GTF2F1: variants seen among roughly 807,000 people sequenced by gnomAD.
The protein encoded by GTF2F1 is general transcription factor IIF subunit 1.
Under a neutral mutation model 63.5 loss-of-function variants are expected in GTF2F1, and 39 were observed. The ratio of observed to expected loss-of-function variants is 0.61; its 90% CI spans 0.48 to 0.80. GTF2F1 has a LOEUF of 0.80. Ranked by LOEUF, GTF2F1 falls within the 30% of genes least tolerant of loss-of-function variation. The probability of loss-of-function intolerance (pLI) is 0.00; values close to 1 mark genes in which losing one functional copy is unlikely to be tolerated. For synonymous variants in GTF2F1, 287 were observed against 285.3 expected (o/e 1.01, Z -0.06); for missense variants, 657 against 718.3 (o/e 0.91, Z 0.97).
chr19:6,390,706 T>G (rs2091993522), intron 3 of GTF2F1, among the ~76,000 whole-genome samples: 1 of 149,860 alleles, frequency 6.7e-6, no homozygotes, highest in African/African-American at 2.5e-5. Flanking sequence ...ATGGCGAAAC[T>G]TCGTCTCTAC....
intron 5 of GTF2F1, among the ~76,000 whole-genome samples, chr19:6,384,859 C>G (rs1023683727): frequency 6.6e-6 from 1 of 151,506 alleles, no homozygotes; most frequent in Non-Finnish European, 1.5e-5. Flanking sequence ...TCTCGGCTCA[C>G]CACAACCTCC....
chr19:6,386,546 G>A (rs540797450), intron 5 of GTF2F1, among the ~76,000 whole-genome samples: 4 of 152,110 alleles, frequency 2.6e-5, no homozygotes, highest in Non-Finnish European at 4.4e-5. Flanking sequence ...CCCAGTTCAC[G>A]CCATTCTCCT....
chr19:6,391,134 T>A (rs1310984318), intron 3 of GTF2F1, among the ~76,000 whole-genome samples: 2 of 152,152 alleles, frequency 1.3e-5, no homozygotes, highest in African/African-American at 4.8e-5. Flanking sequence ...TCTACCTTGG[T>A]CTCCGTTTAT....
In GTF2F1 at chr19:6,379,741, C is replaced by CTTT. The variant is rs11359697; in HGVS notation, c.*537_*539dup. Reference sequence around the variant, plus strand: ...AGGCTCCCGCCACCATGCCTGGCTACTTTTTTTTTTTTTTTGTGCCAGGAT... The same window carrying CTTT: ...AGGCTCCCGCCACCATGCCTGGCTACTTTTTTTTTTTTTTTTTTGTGCCAGGAT... On this transcript the variant is annotated 3_prime_UTR_variant, in exon 13 of 13. Transcript: ENST00000394456. 1 of 141,880 alleles carries CTTT rather than the reference C, an allele frequency of 7.0e-6. No homozygotes were observed. The highest frequency in any genetic ancestry group is 6.9e-5 in the Admixed American group (1 of 14,594). 8.8% of individuals were successfully genotyped at this position (141,880 alleles called of 1,614,324 possible).
rs1244798128 is a variant in GTF2F1 at position 6,381,489 on chromosome 19, C to T, written c.899-11G>A. ...TCTGCTCATCGACACCTGGGAGGGG[C>T]AGGGTATGAGCAAGAGCAGGGAAGC... On this transcript the variant is annotated splice_polypyrimidine_tract_variant and intron_variant, in intron 8 of 12. Coordinates refer to ENST00000394456, the MANE Select transcript of GTF2F1 (RefSeq NM_002096.3). The surrounding 1 kb of genome is among the most constrained non-coding windows in gnomAD (Gnocchi z 4.1). 6.2e-7 allele frequency: 1 copy of T among 1,607,786 alleles called. No individual in the cohort carries two copies. Among genetic ancestry groups the T allele is most frequent in the South Asian group, 1.1e-5 (1 of 90,950 alleles).
Position 6,381,751 on chromosome 19 carries a change from C to T in GTF2F1, c.782G>A (p.Ser261Asn), listed in dbSNP as rs2091952959. Residue 261 changes from serine (S) to asparagine (N), a missense_variant, in exon 7 of 13, where the codon AGC (serine) becomes AAC (asparagine). By Grantham distance (46) the Ser-to-Asn change is conservative. Coordinates refer to ENST00000394456, the MANE Select transcript of GTF2F1 (RefSeq NM_002096.3). The surrounding 1 kb of genome is among the most constrained non-coding windows in gnomAD (Gnocchi z 4.1). The stretch of plus-strand genomic sequence containing the variant: ...TTGGCCCTCGAAGTCCCCATCATCG[C>T]TGTCCTCGAAGGCCTCGTCGTCTGA... ...KGSDDEAFED[S>N]DDGDFEGQEV... 7.4e-6 allele frequency: 12 copies of T among 1,614,202 alleles called. No homozygotes were observed. The highest frequency in any genetic ancestry group is 9.3e-6 in the Non-Finnish European group (11 of 1,180,032).
intron 2 of GTF2F1, among the ~76,000 whole-genome samples, 156 bp downstream of exon 2, chr19:6,392,701 A>T (rs1002054491): frequency 3.3e-5 from 5 of 152,232 alleles, no homozygotes; most frequent in African/African-American, 1.2e-4. Flanking sequence ...TGTTGTCCCC[A>T]GAGAAGCCTC....
rs145753620 is a variant in GTF2F1, at chr19:6,389,500, C to T, written c.270G>A (p.Glu90=). 16 of 1,614,108 alleles carry T rather than the reference C, an allele frequency of 9.9e-6. No homozygotes were observed. The highest frequency in any genetic ancestry group is 1.4e-5 in the Non-Finnish European group (16 of 1,180,034). ...RRKKYGIVLK[E]FRPEDQPWLL... is the part of the protein sequence containing the mutation. ...GCCAGGGCTGGTCCTCGGGCCGGAA[C>T]TCCTTGAGGACGATGCCGTACTTCT... Residue 90 remains glutamate (E), a synonymous_variant, in exon 4 of 13, where the codon GAG becomes GAA. Coordinates refer to ENST00000394456, the MANE Select transcript of GTF2F1 (RefSeq NM_002096.3).
chr19:6,392,773 G>C, intron 2 of GTF2F1, 84 bp downstream of exon 2: 1 of 1,361,802 alleles, frequency 7.3e-7, no homozygotes, highest in Non-Finnish European at 1.1e-6. Context: ...CACAGACAGG[G>C]CCAGAAATGG....
chr19:6,381,208 G>T lies in GTF2F1; in HGVS notation c.1019-13C>A. 1 of 1,603,344 alleles carries T rather than the reference G, an allele frequency of 6.2e-7. No individual in the cohort carries two copies. Among genetic ancestry groups the T allele is most frequent in the Non-Finnish European group, 8.5e-7 (1 of 1,175,634 alleles). ...TCCTCGCTGCTGTCTGCGGGGCACA[G>T]GAAAGGGGTCAGGGCCAGAGCAACC... On this transcript the variant is annotated splice_polypyrimidine_tract_variant and intron_variant, in intron 9 of 12. Coordinates refer to ENST00000394456, the MANE Select transcript of GTF2F1 (RefSeq NM_002096.3). This position sits in a 1 kb window ranked among gnomAD's most constrained non-coding sequence, Gnocchi z 4.1.
Position 6,379,963 on chromosome 19 carries a change from G to C in GTF2F1, c.*318C>G, listed in dbSNP as rs1317374222. The C allele has an allele frequency of 4.7e-6, 2 of 422,478 alleles. No individual in the cohort carries two copies. Among genetic ancestry groups the C allele is most frequent in the Non-Finnish European group, 8.8e-6 (2 of 226,726 alleles). 26.2% of individuals were successfully genotyped at this position (422,478 alleles called of 1,614,324 possible). On this transcript the variant is annotated 3_prime_UTR_variant, in exon 13 of 13. Coordinates refer to ENST00000394456, the MANE Select transcript of GTF2F1 (RefSeq NM_002096.3). ...TAGGGAAGTGGAAGGGAGAACTGTA[G>C]AAGTTACCCAGTGGGCAGCACAGGC... is the stretch of plus-strand genomic sequence containing the variant.
At chr19:6,384,216 C>T (rs184327071) in intron 5 of GTF2F1, among the ~76,000 whole-genome samples, 118 of 151,962 alleles carry the variant, frequency 7.8e-4, no homozygotes, top group East Asian at 5.8e-4. Context: ...AAAAACAGGA[C>T]TGCAGGCCAG....
intron 5 of GTF2F1, 74 bp downstream of exon 5, chr19:6,387,315 G>T: frequency 7.0e-7 from 1 of 1,419,092 alleles, no homozygotes; most frequent in Non-Finnish European, 9.8e-7. Flanking sequence ...CCAGCACAGG[G>T]CCTGGTGATA....
Position 6,383,339 on chromosome 19 carries a change from G to A in GTF2F1, c.654C>T (p.Ser218=), listed in dbSNP as rs138316021. Reference sequence around the variant, plus strand: ...CCTCACCACTGGCATCACTGGCATCGGACGACATCTCCAGGTCGTCCTCCA... The same window carrying A: ...CCTCACCACTGGCATCACTGGCATCAGACGACATCTCCAGGTCGTCCTCCA... ...HDLEDDLEMS[S]DASDASGEEG... is the part of the protein sequence containing the mutation. Residue 218 remains serine (S), a synonymous_variant, in exon 6 of 13, where the codon TCC becomes TCT. Coordinates refer to ENST00000394456, the MANE Select transcript of GTF2F1 (RefSeq NM_002096.3). The surrounding 1 kb of genome is among the most constrained non-coding windows in gnomAD (Gnocchi z 4.5). 35 of 1,613,910 alleles carry A rather than the reference G, an allele frequency of 2.2e-5. No individual in the cohort carries two copies. Among genetic ancestry groups the A allele is most frequent in the South Asian group, 7.7e-5 (7 of 91,090 alleles).
chr19:6,380,514 A>T lies in GTF2F1; in HGVS notation c.1350-29T>A. The T allele has an allele frequency of 6.2e-7, 1 of 1,612,752 alleles. No homozygotes were observed. Among genetic ancestry groups the T allele is most frequent in the Non-Finnish European group, 8.5e-7 (1 of 1,178,778 alleles). On this transcript the variant is annotated intron_variant, in intron 12 of 12. Coordinates refer to ENST00000394456, the MANE Select transcript of GTF2F1 (RefSeq NM_002096.3). The surrounding 1 kb of genome is among the most constrained non-coding windows in gnomAD (Gnocchi z 5.3). Reference sequence around the variant, plus strand: ...AGGATGGGAGGACGGGGAAGGTGGCATCAGTGAGATTGTCCCCAGTAGCCC... The same window carrying T: ...AGGATGGGAGGACGGGGAAGGTGGCTTCAGTGAGATTGTCCCCAGTAGCCC...
chr19:6,391,993 G>C lies in GTF2F1; in HGVS notation c.60-19C>G. On this transcript the variant is annotated intron_variant, in intron 2 of 12. Transcript: ENST00000394456. ...TGTATTCCTGGAGTGGATGAGAAGAGGTAGTGTCAATCCAATACAGCAATT... is the reference window on the plus strand; with the variant it reads ...TGTATTCCTGGAGTGGATGAGAAGACGTAGTGTCAATCCAATACAGCAATT... The C allele has an allele frequency of 7.3e-7, 1 of 1,361,038 alleles. No homozygotes were observed. The allele number at this position is 1,361,038 out of a possible 1,614,324, so 84.3% of individuals were successfully genotyped here. A position where few individuals can be genotyped will look rare whatever the true frequency, so the allele number is the denominator to read the frequency against.
rs754161468 is a variant in GTF2F1 at position 6,383,300 on chromosome 19, C to A, written c.682+11G>T. On this transcript the variant is annotated intron_variant, in intron 6 of 12. Transcript: ENST00000394456. This position sits in a 1 kb window ranked among gnomAD's most constrained non-coding sequence, Gnocchi z 4.5. ...ACCTCTGTGACCTAATGCCCAGGCGCCCGTACTCACCCTCCTCACCACTGG... is the reference window on the plus strand; with the variant it reads ...ACCTCTGTGACCTAATGCCCAGGCGACCGTACTCACCCTCCTCACCACTGG... 1 of 1,613,128 alleles carries A rather than the reference C, an allele frequency of 6.2e-7. No homozygotes were observed. The highest frequency in any genetic ancestry group is 8.5e-7 in the Non-Finnish European group (1 of 1,179,660).
Position 6,389,654 on chromosome 19 carries a change from C to T in GTF2F1, c.133-17G>A. 6.2e-7 allele frequency: 1 copy of T among 1,609,636 alleles called. No homozygotes were observed. Among genetic ancestry groups the T allele is most frequent in the Non-Finnish European group, 8.5e-7 (1 of 1,178,206 alleles). On this transcript the variant is annotated splice_polypyrimidine_tract_variant and intron_variant, in intron 3 of 12. Coordinates refer to ENST00000394456, the MANE Select transcript of GTF2F1 (RefSeq NM_002096.3). Reference sequence around the variant, plus strand: ...CAGCCGAGCCTAGGGGAGCAGGAAGCAAAGCCTCTCAGGGTCCCTGGCTTT... The same window carrying T: ...CAGCCGAGCCTAGGGGAGCAGGAAGTAAAGCCTCTCAGGGTCCCTGGCTTT...
chr19:6,390,577 G>C (rs973097882), intron 3 of GTF2F1, among the ~76,000 whole-genome samples: 17 of 137,064 alleles, frequency 1.2e-4, no homozygotes, highest in African/African-American at 4.2e-4. Flanking sequence ...AAAAAGACCA[G>C]CCTGGGCAAC....
Sources: allele counts gnomAD v4.1 joint callset (sites outside exome capture counted in the v4.1 genomes callset), GRCh38; gene constraint gnomAD v4.1.1; non-coding constraint Gnocchi (gnomAD v3.1); transcripts MANE v1.5; gene names NCBI Gene and HGNC (gene_info 2026-07-23, HGNC 2026-07-21).